TENM2: variants seen among roughly 807,000 people sequenced by gnomAD.
TENM2 encodes the protein teneurin-2.
Under a neutral mutation model 245.2 loss-of-function variants are expected in TENM2, and 52 were observed. The ratio of observed to expected loss-of-function variants is 0.21; its 90% CI spans 0.17 to 0.27. The LOEUF (loss-of-function observed/expected upper bound fraction) is 0.27, where lower values mean the gene tolerates loss of function less well. Ranked by LOEUF, TENM2 falls within the 10% of genes least tolerant of loss-of-function variation. TENM2 has a pLI of 1.00. For missense variants in TENM2, 3,046 were observed against 3,666.8 expected, an observed-to-expected ratio of 0.83 and a Z score of 4.37; for synonymous variants, 1,363 against 1,438.9, an observed-to-expected ratio of 0.95 and a Z score of 1.19.
chr5:167,969,516 T>C (rs543050949), intron 4 of TENM2, among the ~76,000 whole-genome samples: 3 of 152,324 alleles, frequency 2.0e-5, no homozygotes, highest in Non-Finnish European at 4.4e-5. Context: ...AACAGACCAA[T>C]ACAGATGTTC....
chr5:167,383,385 A>G (rs941307009), intron 2 of TENM2, among the ~76,000 whole-genome samples: 1 of 152,080 alleles, frequency 6.6e-6, no homozygotes, highest in South Asian at 2.1e-4. Flanking sequence ...CCTTAAACCA[A>G]TGATGCTGTC....
intron 2 of TENM2, among the ~76,000 whole-genome samples, chr5:167,539,931 G>A (rs1001667393): frequency 6.6e-6 from 1 of 152,036 alleles, no homozygotes; most frequent in African/African-American, 2.4e-5. Context: ...CACATCAGAC[G>A]CTAATTAGCA....
intron 2 of TENM2, among the ~76,000 whole-genome samples, chr5:167,764,812 GAC>G (rs1762901162): frequency 6.6e-6 from 1 of 152,128 alleles, no homozygotes; most frequent in South Asian, 2.1e-4. Flanking sequence ...CCCTCTGCCA[GAC>G]ACACTCCTGT....
At chr5:168,017,889 C>T (rs548461346) in intron 5 of TENM2, among the ~76,000 whole-genome samples, 5 of 152,274 alleles carry the variant, frequency 3.3e-5, no homozygotes, top group Non-Finnish European at 7.3e-5. Flanking sequence ...TTCAGGCCCC[C>T]CTTCTCCCGT....
At chr5:167,743,105 C>T (rs1761306492) in intron 2 of TENM2, among the ~76,000 whole-genome samples, 1 of 152,210 alleles carries the variant, frequency 6.6e-6, no homozygotes, top group Admixed American at 6.5e-5. Context: ...CACACCTACA[C>T]ATGGTTGTCT....
At chr5:168,024,361 A>C (rs1786423854) in intron 5 of TENM2, among the ~76,000 whole-genome samples, 1 of 152,194 alleles carries the variant, frequency 6.6e-6, no homozygotes. Flanking sequence ...CCAGCCACTC[A>C]AGGGCCAGCC....
At chr5:167,970,303 C>T (rs1407937268) in intron 4 of TENM2, among the ~76,000 whole-genome samples, 1 of 152,208 alleles carries the variant, frequency 6.6e-6, no homozygotes, top group Admixed American at 6.5e-5. Flanking sequence ...CCACTTAATG[C>T]ATTTTAACTT....
rs930323576 is a variant in TENM2 at position 168,217,742 on chromosome 5, C to T, written c.4234-383C>T. Among the ~76,000 whole-genome samples, 6 of 152,098 alleles carry T rather than the reference C, an allele frequency of 3.9e-5. No individual in the cohort carries two copies. In the East Asian group the frequency reaches 5.8e-4, roughly 15 times the overall value. ...GCCGCCTCTAAATGTACATAGCTTCCGTAGGCGTCTGCTTGGAGAGCAGAG... is the reference window on the plus strand; with the variant it reads ...GCCGCCTCTAAATGTACATAGCTTCTGTAGGCGTCTGCTTGGAGAGCAGAG... On this transcript the variant is annotated intron_variant, in intron 22 of 28. Transcript: ENST00000518659.
intron 25 of TENM2, among the ~76,000 whole-genome samples, chr5:168,239,144 G>A (rs572413998): frequency 6.6e-6 from 1 of 152,184 alleles, no homozygotes; most frequent in Admixed American, 6.5e-5. Flanking sequence ...AGGGCCGATC[G>A]TGCCTGTTGG....
chr5:167,612,106 G>A (rs1044418061), intron 2 of TENM2, among the ~76,000 whole-genome samples: 14 of 152,054 alleles, frequency 9.2e-5, no homozygotes, highest in Admixed American at 9.2e-4. Flanking sequence ...TAAGAATTTA[G>A]CGAGTTACTA....
chr5:168,224,635 G>A (rs1420130377), intron 23 of TENM2, among the ~76,000 whole-genome samples: 2 of 152,080 alleles, frequency 1.3e-5, no homozygotes, highest in African/African-American at 4.8e-5. Flanking sequence ...CTTCTCTGAG[G>A]ACCCCCCATC....
At chr5:167,713,198 G>A (rs1455232534) in intron 2 of TENM2, among the ~76,000 whole-genome samples, 2 of 151,826 alleles carry the variant, frequency 1.3e-5, no homozygotes, top group Admixed American at 6.6e-5. Context: ...TAAATTCCTT[G>A]AGCCTCTGCC....
chr5:166,981,779 C>A, the TENM2 span, among the ~76,000 whole-genome samples: 2 of 151,872 alleles, frequency 1.3e-5, no homozygotes, highest in Non-Finnish European at 2.9e-5. Flanking sequence ...GTTTTTTTTA[C>A]CCAGCCACCC....
intron 2 of TENM2, among the ~76,000 whole-genome samples, chr5:167,685,293 G>A (rs76965605): frequency 1.8e-3 from 275 of 152,264 alleles, no homozygotes; most frequent in South Asian, 9.3e-3. Flanking sequence ...CATGGCACAT[G>A]TCTGCCATGC....
chr5:167,027,727 GC>G, the TENM2 span, among the ~76,000 whole-genome samples: 1 of 152,092 alleles, frequency 6.6e-6, no homozygotes, highest in South Asian at 2.1e-4. Context: ...AATCTTACAG[GC>G]AAAGATTAGC....
At chr5:167,885,967 G>A (rs1344696816) in intron 3 of TENM2, among the ~76,000 whole-genome samples, 1 of 152,222 alleles carries the variant, frequency 6.6e-6, no homozygotes, top group African/African-American at 2.4e-5. Context: ...ACAGGCATGA[G>A]CCACTGCACC....
At chr5:167,750,090 C>T (rs1422695727) in intron 2 of TENM2, among the ~76,000 whole-genome samples, 1 of 151,978 alleles carries the variant, frequency 6.6e-6, no homozygotes, top group African/African-American at 2.4e-5. Context: ...TCATTATCTT[C>T]GGGGAATGTT....
At chr5:167,054,074 G>T in the TENM2 span, among the ~76,000 whole-genome samples, 1 of 152,080 alleles carries the variant, frequency 6.6e-6, no homozygotes, top group African/African-American at 2.4e-5. Flanking sequence ...TTACATAAGG[G>T]TCCACTCTTG....
At chr5:167,147,244 C>G in the TENM2 span, among the ~76,000 whole-genome samples, 1 of 152,182 alleles carries the variant, frequency 6.6e-6, no homozygotes, top group Non-Finnish European at 1.5e-5. Context: ...AATGAAGGAT[C>G]TGAGCCTGCT....
Sources: gnomAD v4.1 joint callset for allele counts (sites outside exome capture counted in the v4.1 genomes callset) on GRCh38, gnomAD v4.1.1 for gene constraint, MANE v1.5 for transcripts, NCBI Gene and HGNC (gene_info 2026-07-23, HGNC 2026-07-21) for gene names.